Variants in KIAA1958 observed in about 807,000 individuals in gnomAD.
KIAA1958 encodes uncharacterized protein KIAA1958.
In KIAA1958, 14 loss-of-function variants were observed where a neutral mutation model predicts 47.2. The ratio of observed to expected loss-of-function variants is 0.30; its 90% confidence interval spans 0.20 to 0.46. KIAA1958 has a LOEUF of 0.46. Among genes scored for constraint, KIAA1958 ranks in the 20% least tolerant of loss-of-function variants. KIAA1958 has a pLI of 1.00. For synonymous variants in KIAA1958, 354 were observed against 353.3 expected (o/e 1.00, Z -0.02); for missense variants, 803 against 909.2 (o/e 0.88, Z 1.50).
In KIAA1958 at chr9:112,639,442, A is replaced by G. The variant is rs192762770; in HGVS notation, c.1172-6208A>G. Among the ~76,000 whole-genome samples the G allele has an allele frequency of 7.9e-5, 12 of 152,198 alleles. No homozygotes were observed. In the East Asian group the frequency reaches 2.3e-3, roughly 29 times the overall value. On this transcript the variant is annotated intron_variant, in intron 2 of 3. Transcript: ENST00000337530. ...ATTTCATCCTAGGACACCCTCCTAC[A>G]TGGAAGCCTTCTTCATGCTGCTTAG...
At position 112,534,126 on chromosome 9, in the gene KIAA1958, G is replaced by A. The variant is rs79390521; in HGVS notation, c.-24-39931G>A. Among the ~76,000 whole-genome samples the A allele has an allele frequency of 5.0e-3, 761 of 152,276 alleles. 7 individuals are homozygous for A. Among genetic ancestry groups the A allele is most frequent in the African/African-American group, 0.018 (728 of 41,544 alleles). ...CCTTCATTTCCTCATCTGTAAAGTG[G>A]GGAATAGCAGAAGTACCTGTGTCAT... On this transcript the variant is annotated intron_variant, in intron 1 of 3. Transcript: ENST00000337530.
chr9:112,622,039 T>C, intron 2 of KIAA1958, among the ~76,000 whole-genome samples: 1 of 152,192 alleles, frequency 6.6e-6, no homozygotes. Flanking sequence ...ACTTACATTA[T>C]GAAAAATCTA....
Position 112,574,201 on chromosome 9 carries a change from C to T in KIAA1958, c.121C>T (p.His41Tyr), listed in dbSNP as rs1476403274. 1 of 1,614,156 alleles carries T rather than the reference C, an allele frequency of 6.2e-7. No individual in the cohort carries two copies. The highest frequency in any genetic ancestry group is 8.5e-7 in the Non-Finnish European group (1 of 1,180,012). ...NLKHLLSEGS[H>Y]GNLTAMWGCS... ...GAAACACTTGCTTTCTGAAGGTTCC[C>T]ATGGGAACCTGACAGCAATGTGGGG... Residue 41 changes from histidine to tyrosine, a missense_variant, in exon 2 of 4, where the codon CAT (histidine) becomes TAT (tyrosine). His to Tyr is a moderately conservative substitution (Grantham distance 83). Around this residue, in one of 2 missense-constraint regions of KIAA1958, gnomAD observed 42 missense variants for 79.9 expected, o/e 0.53. Coordinates refer to ENST00000337530, the MANE Select transcript of KIAA1958 (RefSeq NM_133465.4).
At chr9:112,580,299 A>G (rs1042710473) in intron 2 of KIAA1958, among the ~76,000 whole-genome samples, 7 of 152,080 alleles carry the variant, frequency 4.6e-5, no homozygotes, top group Non-Finnish European at 5.9e-5. Context: ...AGTTTTTTTT[A>G]TGTGGGCAGA....
intron 2 of KIAA1958, among the ~76,000 whole-genome samples, chr9:112,583,421 A>G (rs1485624719): frequency 6.6e-6 from 1 of 152,232 alleles, no homozygotes. Flanking sequence ...AGCAATTTAC[A>G]ATATCAAAGT....
Position 112,664,154 on chromosome 9 carries a change from G to A in KIAA1958, c.*4085G>A, listed in dbSNP as rs949894467. 1 of 152,234 alleles carries A rather than the reference G, an allele frequency of 6.6e-6. No individual in the cohort carries two copies. Among genetic ancestry groups the A allele is most frequent in the Non-Finnish European group, 1.5e-5 (1 of 68,038 alleles). 9.4% of individuals were successfully genotyped at this position (152,234 alleles called of 1,614,324 possible). A position where few individuals can be genotyped will look rare whatever the true frequency, so the allele number is the denominator to read the frequency against. On this transcript the variant is annotated 3_prime_UTR_variant, in exon 4 of 4. Transcript: ENST00000337530. ...GGACACAAAATTCCTAATTCCTGAA[G>A]ATAGTTAGTCTCCTAATTAAGTGCT...
intron 1 of KIAA1958, among the ~76,000 whole-genome samples, chr9:112,520,370 C>T (rs1407290410): frequency 1.3e-5 from 2 of 152,184 alleles, no homozygotes; most frequent in Non-Finnish European, 1.5e-5. Context: ...CATTATTTAT[C>T]ATGTCTGATA....
intron 1 of KIAA1958, among the ~76,000 whole-genome samples, chr9:112,537,308 T>C (rs982477912): frequency 1.4e-4 from 21 of 152,142 alleles, no homozygotes; most frequent in African/African-American, 5.1e-4. Flanking sequence ...AGTTTCACCA[T>C]GTTGACTGAG....
chr9:112,583,423 T>C (rs1835767468), intron 2 of KIAA1958, among the ~76,000 whole-genome samples: 1 of 152,216 alleles, frequency 6.6e-6, no homozygotes, highest in Non-Finnish European at 1.5e-5. Flanking sequence ...CAATTTACAA[T>C]ATCAAAGTTT....
Position 112,664,554 on chromosome 9 carries a change from G to A in KIAA1958, c.*4485G>A, listed in dbSNP as rs1022915166. Reference sequence around the variant, plus strand: ...CATACATAGTTAAAAGCTGGTAACAGCTCTGAACAGAAGTATGTATTAAAT... The same window carrying A: ...CATACATAGTTAAAAGCTGGTAACAACTCTGAACAGAAGTATGTATTAAAT... On this transcript the variant is annotated 3_prime_UTR_variant, in exon 4 of 4. Coordinates refer to ENST00000337530, the MANE Select transcript of KIAA1958 (RefSeq NM_133465.4). 1.3e-5 allele frequency: 2 copies of A among 152,218 alleles called. No individual in the cohort carries two copies. The highest frequency in any genetic ancestry group is 4.8e-5 in the African/African-American group (2 of 41,456). The allele number at this position is 152,218 out of a possible 1,614,324, so 9.4% of individuals were successfully genotyped here.
chr9:112,662,060 CG>C lies in KIAA1958; in HGVS notation c.*1993del, dbSNP rs1440738148. The C allele has an allele frequency of 6.6e-6, 1 of 152,126 alleles. No individual in the cohort carries two copies. Among genetic ancestry groups the C allele is most frequent in the East Asian group, 1.9e-4 (1 of 5,200 alleles). 9.4% of individuals were successfully genotyped at this position (152,126 alleles called of 1,614,324 possible). On this transcript the variant is annotated 3_prime_UTR_variant, in exon 4 of 4. Coordinates refer to ENST00000337530, the MANE Select transcript of KIAA1958 (RefSeq NM_133465.4). ...CCGTTAGGAATCACTGGGATCTTTT[CG>C]GATTTTGACCTTTTCAAAGGTAGCA...
intron 3 of KIAA1958, among the ~76,000 whole-genome samples, chr9:112,657,500 G>A (rs145227880): frequency 3.3e-5 from 5 of 152,208 alleles, no homozygotes; most frequent in African/African-American, 1.2e-4. Flanking sequence ...AAACTATGAT[G>A]TATATTTATT....
At chr9:112,523,728 A>G (rs1023709528) in intron 1 of KIAA1958, among the ~76,000 whole-genome samples, 1 of 152,348 alleles carries the variant, frequency 6.6e-6, no homozygotes, top group Admixed American at 6.5e-5. Flanking sequence ...TAGAGAATAT[A>G]CATAATATGC....
chr9:112,576,853 ACTAC>A (rs1434433165), intron 2 of KIAA1958, among the ~76,000 whole-genome samples: 1 of 152,064 alleles, frequency 6.6e-6, no homozygotes, highest in African/African-American at 2.4e-5. Flanking sequence ...TGCTTGGGTA[ACTAC>A]CTAGGAGTGG....
intron 1 of KIAA1958, among the ~76,000 whole-genome samples, chr9:112,531,578 TG>T (rs1834752889): frequency 6.6e-6 from 1 of 152,266 alleles, no homozygotes. Flanking sequence ...ATAAGGAAAA[TG>T]GAGACTTTTT....
At chr9:112,557,043 C>T (rs1335634257) in intron 1 of KIAA1958, among the ~76,000 whole-genome samples, 1 of 152,098 alleles carries the variant, frequency 6.6e-6, no homozygotes, top group Admixed American at 6.5e-5. Flanking sequence ...ACTGCAGCCT[C>T]AACCTCCCAG....
At chr9:112,645,908 CAGA>C in intron 3 of KIAA1958, 86 bp downstream of exon 3, 1 of 1,146,312 alleles carries the variant, frequency 8.7e-7, no homozygotes. Flanking sequence ...GTAGGGAACA[CAGA>C]ACGGTGGCTT....
intron 1 of KIAA1958, among the ~76,000 whole-genome samples, chr9:112,553,359 G>A (rs1393158948): frequency 6.6e-6 from 1 of 151,868 alleles, no homozygotes; most frequent in East Asian, 1.9e-4. Flanking sequence ...TTGTTTTGTA[G>A]AGATGAGGTT....
intron 2 of KIAA1958, among the ~76,000 whole-genome samples, chr9:112,645,273 T>C (rs1836957142): frequency 6.6e-6 from 1 of 152,250 alleles, no homozygotes; most frequent in Admixed American, 6.5e-5. Flanking sequence ...TTGCTTTCTC[T>C]TTCTTCCTTT....
Sources: gnomAD v4.1 joint callset for allele counts (sites outside exome capture counted in the v4.1 genomes callset) on GRCh38, gnomAD v4.1.1 for gene constraint, gnomAD v4.1.1 regional missense constraint, MANE v1.5 for transcripts, NCBI Gene and HGNC (gene_info 2026-07-23, HGNC 2026-07-21) for gene names.